MME: variants seen among roughly 807,000 people sequenced by gnomAD.
MME encodes neprilysin.
A neutral mutation model predicts 113.2 loss-of-function variants in MME; 98 were observed. That is an observed-to-expected ratio of 0.87 (90% CI 0.74 to 1.02). The LOEUF (loss-of-function observed/expected upper bound fraction) is 1.02. Among genes scored for constraint, MME ranks in the 50% least tolerant of loss-of-function variants. The pLI, the probability that MME is intolerant of heterozygous loss-of-function variation, is 0.00. For missense variants in MME, 836 were observed against 896.0 expected, an observed-to-expected ratio of 0.93 and a Z score of 0.86; for synonymous variants, 292 against 300.6, an observed-to-expected ratio of 0.97 and a Z score of 0.30.
At chr3:155,175,595 G>A (rs1334037478) in intron 22 of MME, among the ~76,000 whole-genome samples, 1 of 151,866 alleles carries the variant, frequency 6.6e-6, no homozygotes, top group Non-Finnish European at 1.5e-5. Context: ...TGATAATTTT[G>A]TAAAGCAAGT....
chr3:155,119,464 T>C lies in MME; in HGVS notation c.720+653T>C, dbSNP rs1396442893. On this transcript the variant is annotated intron_variant, in intron 8 of 22. Coordinates refer to ENST00000360490, the MANE Select transcript of MME (RefSeq NM_007289.4). ...TAAGTTTTAGGGTACATGTGCACATTGTGCAGGTTAGTTACATATGTATAC... is the reference window on the plus strand; with the variant it reads ...TAAGTTTTAGGGTACATGTGCACATCGTGCAGGTTAGTTACATATGTATAC... 4.7e-5 allele frequency among the ~76,000 whole-genome samples: 7 copies of C among 147,448 alleles called. No individual in the cohort carries two copies. The East Asian group carries it at 1.2e-3, about 25-fold the overall frequency.
At chr3:155,150,705 C>T (rs1004066650) in intron 16 of MME, among the ~76,000 whole-genome samples, 1 of 152,180 alleles carries the variant, frequency 6.6e-6, no homozygotes. Flanking sequence ...TTAAGTACCA[C>T]CCACCAAGTG....
At chr3:155,169,217 G>A (rs146386124) in intron 20 of MME, among the ~76,000 whole-genome samples, 192 of 152,210 alleles carry the variant, frequency 1.3e-3, no homozygotes, top group African/African-American at 4.4e-3. Flanking sequence ...TAGCATTTGG[G>A]AACAAAAATC....
At chr3:155,114,859 T>C (rs1230667750) in intron 3 of MME, 135 bp from the exon 4 acceptor site, 1 of 813,200 alleles carries the variant, frequency 1.2e-6, no homozygotes, top group African/African-American at 1.7e-5. Context: ...CCCCCTGAAT[T>C]GACTTATATA....
intron 16 of MME, among the ~76,000 whole-genome samples, chr3:155,150,340 T>C (rs1044621747): frequency 6.6e-6 from 1 of 152,166 alleles, no homozygotes; most frequent in Non-Finnish European, 1.5e-5. Flanking sequence ...TATGGGCTGA[T>C]TTTCTCTGCA....
chr3:155,131,108 G>A (rs1292289411), intron 8 of MME, among the ~76,000 whole-genome samples: 2 of 152,192 alleles, frequency 1.3e-5, no homozygotes, highest in Non-Finnish European at 2.9e-5. Context: ...AATTTGGCTT[G>A]CTGAAACCAT....
At chr3:155,084,505 G>T (rs1715482501) in intron 2 of MME, 178 bp downstream of exon 2, 2 of 674,046 alleles carry the variant, frequency 3.0e-6, no homozygotes, top group Admixed American at 2.5e-5. Flanking sequence ...GAAGTACGGT[G>T]CCTTTTATGT....
chr3:155,179,449 C>T (rs1336855769), intron 22 of MME, among the ~76,000 whole-genome samples: 1 of 152,060 alleles, frequency 6.6e-6, no homozygotes, highest in South Asian at 2.1e-4. Flanking sequence ...GAGAGAAGTC[C>T]TAAGATGTAC....
intron 17 of MME, among the ~76,000 whole-genome samples, chr3:155,165,172 T>C (rs1295666645): frequency 6.6e-6 from 1 of 152,170 alleles, no homozygotes; most frequent in Non-Finnish European, 1.5e-5. Context: ...GTTTCAGTTA[T>C]TCAGTGGATG....
chr3:155,057,638 C>T (rs1390913845), intron 1 of MME, among the ~76,000 whole-genome samples: 1 of 151,784 alleles, frequency 6.6e-6, no homozygotes, highest in Admixed American at 6.6e-5. Flanking sequence ...ATTTTATACT[C>T]TCAGAGTGTT....
At chr3:155,043,180 C>T (rs924071174) in intron 1 of MME, among the ~76,000 whole-genome samples, 2 of 150,304 alleles carry the variant, frequency 1.3e-5, no homozygotes, top group Non-Finnish European at 3.0e-5. Flanking sequence ...ATAAGTTTAT[C>T]CAACTTTTCT....
chr3:155,087,251 T>C (rs1328066091), intron 3 of MME, among the ~76,000 whole-genome samples: 30 of 63,318 alleles, frequency 4.7e-4, no homozygotes, highest in African/African-American at 4.5e-4. Flanking sequence ...GCCCTTTGGT[T>C]TTTTTTTTTT....
rs189031075 is a variant in MME at position 155,088,539 on chromosome 3, C to G, written c.196+3445C>G. The stretch of plus-strand genomic sequence containing the variant: ...TCTCTACTAAAAATACAAAATTAGC[C>G]GGGTGTGGTGGCGCATGCCTGTAAT... On this transcript the variant is annotated intron_variant, in intron 3 of 22. Transcript: ENST00000360490. Among the ~76,000 whole-genome samples, 1,239 of 151,894 alleles carry G rather than the reference C, an allele frequency of 8.2e-3. 18 individuals carry two copies. The highest frequency in any genetic ancestry group is 0.028 in the African/African-American group (1,151 of 41,418).
In MME at chr3:155,118,769, C is replaced by G; in HGVS notation, c.678C>G (p.Leu226=). ...AGATTGACCAACCTCGACTTGGCCT[C>G]CCTTCTAGAGATTACTATGAATGCA... ...VIHIDQPRLG[L]PSRDYYECTG... is the part of the protein sequence containing the mutation. Residue 226 remains leucine, a synonymous_variant, in exon 8 of 23, where the codon CTC becomes CTG. Transcript: ENST00000360490. The G allele has an allele frequency of 8.7e-6, 14 of 1,603,000 alleles. No individual in the cohort carries two copies. Among genetic ancestry groups the G allele is most frequent in the Non-Finnish European group, 1.2e-5 (14 of 1,171,556 alleles).
intron 14 of MME, among the ~76,000 whole-genome samples, chr3:155,146,341 C>T (rs770298178): frequency 1.8e-4 from 27 of 151,616 alleles, no homozygotes; most frequent in Non-Finnish European, 2.8e-4. Context: ...GCCTGGGCAA[C>T]GTGGTGAAAT....
At chr3:155,049,678 T>TATATAG (rs1342078785) in intron 1 of MME, among the ~76,000 whole-genome samples, 1 of 148,466 alleles carries the variant, frequency 6.7e-6, no homozygotes, top group African/African-American at 2.4e-5. Flanking sequence ...TATCTATATA[T>TATATAG]AGAGAGAGAA....
At chr3:155,134,189 G>A (rs773750893) in intron 8 of MME, among the ~76,000 whole-genome samples, 4 of 151,962 alleles carry the variant, frequency 2.6e-5, no homozygotes, top group Non-Finnish European at 5.9e-5. Flanking sequence ...TTGTTACATG[G>A]ATATATTGCA....
At chr3:155,152,035 T>A (rs1437414683) in intron 16 of MME, among the ~76,000 whole-genome samples, 1 of 152,144 alleles carries the variant, frequency 6.6e-6, no homozygotes. Flanking sequence ...GTATCCCTGT[T>A]GCCTGTCTCA....
At chr3:155,138,966 A>G (rs561167061) in intron 9 of MME, among the ~76,000 whole-genome samples, 3 of 152,054 alleles carry the variant, frequency 2.0e-5, no homozygotes, top group Middle Eastern at 3.4e-3. Context: ...GCAAACGACA[A>G]CCTGCATCCC....
Sources: gnomAD v4.1 joint callset for allele counts (sites outside exome capture counted in the v4.1 genomes callset) on GRCh38, gnomAD v4.1.1 for gene constraint, MANE v1.5 for transcripts, NCBI Gene and HGNC (gene_info 2026-07-23, HGNC 2026-07-21) for gene names.